Variants in OSBPL10 observed in about 807,000 individuals in gnomAD.
OSBPL10 encodes the protein oxysterol-binding protein-related protein 10.
A neutral mutation model predicts 81.7 loss-of-function variants in OSBPL10; 49 were observed. That is an observed-to-expected ratio of 0.60 (90% CI 0.48 to 0.76). The LOEUF (loss-of-function observed/expected upper bound fraction) is 0.76, where lower values mean the gene tolerates loss of function less well. Ranked by LOEUF, OSBPL10 falls within the 30% of genes least tolerant of loss-of-function variation. The pLI, the probability that OSBPL10 is intolerant of heterozygous loss-of-function variation, is 0.00. For missense variants in OSBPL10, 923 were observed against 987.8 expected, an observed-to-expected ratio of 0.93 and a Z score of 0.88; for synonymous variants, 419 against 383.6, an observed-to-expected ratio of 1.09 and a Z score of -1.08.
chr3:31,929,672 C>T (rs912087752), intron 1 of OSBPL10, among the ~76,000 whole-genome samples: 7 of 150,760 alleles, frequency 4.6e-5, no homozygotes, highest in African/African-American at 1.2e-4. Flanking sequence ...GGCGTGAACC[C>T]GGGAGGCGGA....
Position 32,067,015 on chromosome 3 carries a change from A to G in OSBPL10, n.185+10381T>C, listed in dbSNP as rs193253638. Among the ~76,000 whole-genome samples the G allele has an allele frequency of 1.3e-3, 200 of 152,288 alleles. 1 individual carries two copies. Among genetic ancestry groups the G allele is most frequent in the African/African-American group, 4.7e-3 (196 of 41,568 alleles). ...AGGCTCCTTCTGCTTTAACTCTTAT[A>G]AAGAAAGTAACTTGAAGTGACCTGA... On this transcript the variant is annotated intron_variant and non_coding_transcript_variant, in intron 1 of 3. Transcript: ENST00000479173.
intron 7 of OSBPL10, among the ~76,000 whole-genome samples, chr3:31,691,173 G>C (rs1369044253): frequency 6.6e-6 from 1 of 151,956 alleles, no homozygotes; most frequent in Non-Finnish European, 1.5e-5. Context: ...AACTATTTGG[G>C]GGGAAGGAAA....
intron 5 of OSBPL10, among the ~76,000 whole-genome samples, chr3:31,740,368 T>C (rs1024378593): frequency 6.6e-6 from 1 of 152,160 alleles, no homozygotes; most frequent in Non-Finnish European, 1.5e-5. Context: ...CTAAGCATGG[T>C]TACATAACTG....
intron 2 of OSBPL10, among the ~76,000 whole-genome samples, chr3:31,999,378 T>TC (rs1699122468): frequency 6.7e-6 from 1 of 149,054 alleles, no homozygotes; most frequent in African/African-American, 2.5e-5. Flanking sequence ...TTTTTTTTTT[T>TC]GAGACAAGGT....
intron 1 of OSBPL10, among the ~76,000 whole-genome samples, chr3:32,065,995 G>GAA (rs1171273062): frequency 1.6e-5 from 1 of 63,386 alleles, no homozygotes; most frequent in East Asian, 9.0e-4. Context: ...AAGAAAGAAA[G>GAA]AAAGAAAGAA....
chr3:31,953,223 G>A (rs1468082350), intron 1 of OSBPL10, among the ~76,000 whole-genome samples: 5 of 151,924 alleles, frequency 3.3e-5, no homozygotes, highest in Non-Finnish European at 5.9e-5. Context: ...GTGAGCCAGC[G>A]CGCCCGGTCC....
At chr3:31,672,783 A>G (rs1022376199) in intron 8 of OSBPL10, among the ~76,000 whole-genome samples, 2 of 152,070 alleles carry the variant, frequency 1.3e-5, no homozygotes, top group Non-Finnish European at 2.9e-5. Flanking sequence ...AGGGGCCTCA[A>G]TCCCTCCCAG....
intron 4 of OSBPL10, among the ~76,000 whole-genome samples, chr3:31,751,866 T>C (rs2125705064): frequency 6.6e-6 from 1 of 152,310 alleles, no homozygotes; most frequent in Non-Finnish European, 1.5e-5. Context: ...AGAAGTTGAA[T>C]GAACCCTGAA....
chr3:31,858,026 C>T (rs529043248), intron 3 of OSBPL10, among the ~76,000 whole-genome samples: 163 of 149,142 alleles, frequency 1.1e-3, no homozygotes, highest in African/African-American at 3.9e-3. Flanking sequence ...GACAAGGTCT[C>T]GTTCTATTGC....
rs139411838 is a variant in OSBPL10 at position 31,744,533 on chromosome 3, G to A, written c.940+3377C>T. ...ACCCTGGGTGATAGAGCGAGACTCC[G>A]TCTCAAAAAAAAAAAAAAGGAAAGA... On this transcript the variant is annotated intron_variant, in intron 5 of 11. Transcript: ENST00000396556. Among the ~76,000 whole-genome samples the A allele has an allele frequency of 2.5e-3, 58 of 23,228 alleles. No individual in the cohort carries two copies. In the East Asian group the frequency reaches 0.065, roughly 26 times the overall value. 15.2% of individuals were successfully genotyped at this position (23,228 alleles called of 152,430 possible). A position where few individuals can be genotyped will look rare whatever the true frequency, so the allele number is the denominator to read the frequency against.
At chr3:31,670,753 C>A in intron 9 of OSBPL10, 44 bp downstream of exon 9, 2 of 1,543,472 alleles carry the variant, frequency 1.3e-6, no homozygotes, top group Non-Finnish European at 8.8e-7. Context: ...AAACTCAGGG[C>A]ATCTTGTTAA....
intron 3 of OSBPL10, among the ~76,000 whole-genome samples, chr3:31,865,042 G>A (rs1288591317): frequency 6.6e-6 from 1 of 152,072 alleles, no homozygotes; most frequent in Admixed American, 6.5e-5. Flanking sequence ...TCCTAAAGAA[G>A]ACCAGGACTC....
chr3:32,049,997 G>A (rs1046351431), intron 1 of OSBPL10, among the ~76,000 whole-genome samples: 1 of 152,164 alleles, frequency 6.6e-6, no homozygotes, highest in African/African-American at 2.4e-5. Context: ...TCTCTGCAAA[G>A]TTTTGATTAA....
intron 5 of OSBPL10, among the ~76,000 whole-genome samples, chr3:31,743,978 T>C (rs1697440585): frequency 6.6e-6 from 1 of 152,222 alleles, no homozygotes; most frequent in Non-Finnish European, 1.5e-5. Flanking sequence ...CTCTATTCTC[T>C]TATCCCACCA....
chr3:32,047,479 G>T (rs1453467438), intron 1 of OSBPL10, among the ~76,000 whole-genome samples: 1 of 152,136 alleles, frequency 6.6e-6, no homozygotes. Flanking sequence ...AGACCATATA[G>T]TGGAACTTCC....
chr3:31,932,085 A>AT (rs34078892), intron 1 of OSBPL10, among the ~76,000 whole-genome samples: 1 of 152,170 alleles, frequency 6.6e-6, no homozygotes, highest in East Asian at 1.9e-4. Context: ...AGAAAAAAAA[A>AT]TTTACAGAAT....
chr3:31,864,390 C>T (rs966098464), intron 3 of OSBPL10, among the ~76,000 whole-genome samples: 6 of 151,978 alleles, frequency 3.9e-5, no homozygotes, highest in South Asian at 2.1e-4. Flanking sequence ...GACAGACACA[C>T]GCCACCACAC....
rs996116489 is a variant in OSBPL10, at chr3:31,761,827, A to AAAAAAAAAAAC, written c.730-13708_730-13707insGTTTTTTTTTT. On this transcript the variant is annotated intron_variant, in intron 4 of 11. Transcript: ENST00000396556. The stretch of plus-strand genomic sequence containing the variant: ...AAGACTGTCTCTAAAAAAAAAAAAA[A>AAAAAAAAAAAC]AAAACCCTAAAGGGAGTCAGAGAGT... Among the ~76,000 whole-genome samples, 1,381 of 149,298 alleles carry AAAAAAAAAAAC rather than the reference A, an allele frequency of 9.2e-3. 56 individuals are homozygous for AAAAAAAAAAAC. The highest frequency in any genetic ancestry group is 0.033 in the African/African-American group (1,263 of 38,808).
rs142236365 is a variant in OSBPL10 at position 31,947,840 on chromosome 3, G to A, written c.281+33059C>T. ...GCTTGAGGAAGTGCTCTCAGGATCC[G>A]GAGAAACTGGAAGAAGGTGAGGGAA... is the stretch of plus-strand genomic sequence containing the variant. On this transcript the variant is annotated intron_variant, in intron 1 of 11. Transcript: ENST00000396556. 3.4e-3 allele frequency among the ~76,000 whole-genome samples: 517 copies of A among 151,350 alleles called. 7 individuals carry two copies. The highest frequency in any genetic ancestry group is 0.012 in the African/African-American group (489 of 40,650).
Sources: allele counts gnomAD v4.1 joint callset (sites outside exome capture counted in the v4.1 genomes callset), GRCh38; gene constraint gnomAD v4.1.1; transcripts MANE v1.5; gene names NCBI Gene and HGNC (gene_info 2026-07-23, HGNC 2026-07-21).